ZBTB49: variants seen among roughly 807,000 people sequenced by gnomAD.
ZBTB49 encodes zinc finger and BTB domain containing 49, also known as zinc finger and BTB domain-containing protein 49.
Under a neutral mutation model 57.5 loss-of-function variants are expected in ZBTB49, and 43 were observed. That is an observed-to-expected ratio of 0.75 (90% CI 0.59 to 0.97). The LOEUF (loss-of-function observed/expected upper bound fraction) is 0.97, where lower values mean the gene tolerates loss of function less well. ZBTB49 is among the 50% of genes least tolerant of loss of function. The probability of loss-of-function intolerance (pLI) is 0.00; values close to 1 mark genes in which losing one functional copy is unlikely to be tolerated. For synonymous variants in ZBTB49, 369 were observed against 362.1 expected (o/e 1.02, Z -0.22); for missense variants, 938 against 947.7 (o/e 0.99, Z 0.13).
rs1034215802 is a variant in ZBTB49 at position 4,296,250 on chromosome 4, C to T, written c.-19-3677C>T. Among the ~76,000 whole-genome samples, 8 of 152,124 alleles carry T rather than the reference C, an allele frequency of 5.3e-5. No individual in the cohort carries two copies. The South Asian group carries it at 6.2e-4, about 12-fold the overall frequency. ...TTGAGGACTGAGGAAAAGTCACTGT[C>T]GGGAAAGTCTGTTTCAGTGGAGTGA... On this transcript the variant is annotated intron_variant, in intron 1 of 7. Transcript: ENST00000337872.
intron 1 of ZBTB49, among the ~76,000 whole-genome samples, chr4:4,297,157 C>T (rs996766747): frequency 6.6e-6 from 1 of 152,114 alleles, no homozygotes; most frequent in African/African-American, 2.4e-5. Flanking sequence ...TGCAACCTCC[C>T]CCGCCTGGGT....
chr4:4,315,797 T>C lies in ZBTB49; in HGVS notation c.1460-12T>C, dbSNP rs543970511. 23 of 1,614,136 alleles carry C rather than the reference T, an allele frequency of 1.4e-5. No homozygotes were observed. The South Asian group carries it at 2.4e-4, about 17-fold the overall frequency. On this transcript the variant is annotated splice_polypyrimidine_tract_variant and intron_variant, in intron 6 of 7. Transcript: ENST00000337872. ...CTGTCCTTCAGCTTAACACCTGTTA[T>C]GGTCTCTCTAGGGTTTAGTAACTTC... is the stretch of plus-strand genomic sequence containing the variant.
Position 4,315,660 on chromosome 4 carries a change from G to C in ZBTB49, c.1401G>C (p.Gln467His). The change falls in exon 6 of 8, where the codon CAG becomes CAC. Residue 467 changes from glutamine (Q) to histidine (H), a missense_variant. Transcript: ENST00000337872. ...GKRFAASGDV[Q>H]RHIIIHSGEK... ...GGTTTGCAGCCTCTGGCGACGTCCAGCGTCACATTATTATTCACTCAGGAG... is the reference window on the plus strand; with the variant it reads ...GGTTTGCAGCCTCTGGCGACGTCCACCGTCACATTATTATTCACTCAGGAG... 15 of 1,614,202 alleles carry C rather than the reference G, an allele frequency of 9.3e-6. No homozygotes were observed. The highest frequency in any genetic ancestry group is 1.1e-5 in the Non-Finnish European group (13 of 1,180,026).
chr4:4,320,199 C>T (rs758426189), intron 7 of ZBTB49, among the ~76,000 whole-genome samples: 7 of 152,344 alleles, frequency 4.6e-5, no homozygotes, highest in South Asian at 2.1e-4. Flanking sequence ...CAGGTGCCTA[C>T]GGCACCCATG....
intron 4 of ZBTB49, among the ~76,000 whole-genome samples, chr4:4,312,292 A>G (rs1577244797): frequency 6.6e-6 from 1 of 152,356 alleles, no homozygotes; most frequent in East Asian, 1.9e-4. Context: ...AACATTAGCA[A>G]TTAGCTTTTT....
intron 7 of ZBTB49, among the ~76,000 whole-genome samples, chr4:4,318,982 C>T (rs1332383904): frequency 6.7e-6 from 1 of 150,026 alleles, no homozygotes; most frequent in African/African-American, 2.5e-5. Context: ...CCTCGACCTC[C>T]TGGACACAGG....
intron 4 of ZBTB49, among the ~76,000 whole-genome samples, chr4:4,312,056 C>T (rs997439692): frequency 1.3e-5 from 2 of 152,140 alleles, no homozygotes; most frequent in Non-Finnish European, 2.9e-5. Flanking sequence ...TTAAAAAAAG[C>T]CCCGTGTGTT....
At chr4:4,308,109 G>A (rs765580204) in intron 4 of ZBTB49, among the ~76,000 whole-genome samples, 31 of 152,188 alleles carry the variant, frequency 2.0e-4, no homozygotes, top group African/African-American at 6.7e-4. Flanking sequence ...ATGGAGCATC[G>A]CTCTGTCGCC....
At chr4:4,314,694 C>G (rs559466840) in intron 5 of ZBTB49, among the ~76,000 whole-genome samples, 1 of 152,202 alleles carries the variant, frequency 6.6e-6, no homozygotes, top group African/African-American at 2.4e-5. Flanking sequence ...TGAAACCAGA[C>G]CTATATGCAG....
rs542626944 is a variant in ZBTB49, at chr4:4,315,110, T to A, written c.1377-526T>A. On this transcript the variant is annotated intron_variant, in intron 5 of 7. Transcript: ENST00000337872. ...CCTCTTGGTCCCTGAGACTCTGAGC[T>A]CCTGTTTGCATTTTACTTTATAGTG... 9.1e-4 allele frequency among the ~76,000 whole-genome samples: 138 copies of A among 152,330 alleles called. 2 individuals are homozygous for A. Among genetic ancestry groups the A allele is most frequent in the African/African-American group, 3.1e-3 (128 of 41,568 alleles).
At chr4:4,304,246 G>C (rs1720642565) in intron 3 of ZBTB49, among the ~76,000 whole-genome samples, 1 of 140,290 alleles carries the variant, frequency 7.1e-6, no homozygotes. Flanking sequence ...TTTTTTTTGA[G>C]ACAGAGTTTC....
intron 2 of ZBTB49, among the ~76,000 whole-genome samples, chr4:4,301,373 A>T (rs1014225973): frequency 1.3e-5 from 2 of 152,138 alleles, no homozygotes; most frequent in African/African-American, 2.4e-5. Context: ...TTTTTGAACC[A>T]CTGGCTGGCT....
Position 4,315,849 on chromosome 4 carries a change from A to C in ZBTB49, c.1500A>C (p.Thr500=). 6.2e-7 allele frequency: 1 copy of C among 1,614,262 alleles called. No homozygotes were observed. ...NFSNLKEHKK[T]HTADKVFTCD... ...GTAATTTGAAGGAGCACAAAAAGAC[A>C]CACACGGCTGATAAAGTCTTCACCT... Residue 500 remains threonine, a synonymous_variant, in exon 7 of 8, where the codon ACA becomes ACC. Transcript: ENST00000337872.
intron 5 of ZBTB49, among the ~76,000 whole-genome samples, chr4:4,314,225 G>A (rs1399770866): frequency 2.6e-5 from 4 of 152,328 alleles, no homozygotes; most frequent in East Asian, 1.9e-4. Flanking sequence ...GTCATCTGCC[G>A]CTCCTTCCAG....
chr4:4,321,601 G>T lies in ZBTB49; in HGVS notation c.*285G>T. The stretch of plus-strand genomic sequence containing the variant: ...TCAGCTGTGGGGGGGAAGCGCGTGT[G>T]CATCGTGTCAACTACTGTACATGTT... On this transcript the variant is annotated 3_prime_UTR_variant, in exon 8 of 8. Coordinates refer to ENST00000337872, the MANE Select transcript of ZBTB49 (RefSeq NM_145291.4). 2.0e-6 allele frequency: 1 copy of T among 490,796 alleles called. No individual in the cohort carries two copies. The highest frequency in any genetic ancestry group is 1.9e-5 in the African/African-American group (1 of 51,726). The allele number at this position is 490,796 out of a possible 1,614,324, so 30.4% of individuals were successfully genotyped here. A position where few individuals can be genotyped will look rare whatever the true frequency, so the allele number is the denominator to read the frequency against.
At chr4:4,297,133 C>G (rs1383769532) in intron 1 of ZBTB49, among the ~76,000 whole-genome samples, 1 of 152,164 alleles carries the variant, frequency 6.6e-6, no homozygotes, top group African/African-American at 2.4e-5. Context: ...TGCAATGGCG[C>G]GATCTCAGCT....
chr4:4,301,989 G>A lies in ZBTB49; in HGVS notation c.153G>A (p.Arg51=). ...NVLAAFSQYF[R]SLFQNSSSQK... is the part of the protein sequence containing the mutation. Reference sequence around the variant, plus strand: ...AAACAGATATTCTTTCTTTTACCAGGAGCCTCTTTCAGAATTCTTCAAGCC... The same window carrying A: ...AAACAGATATTCTTTCTTTTACCAGAAGCCTCTTTCAGAATTCTTCAAGCC... The change falls in exon 3 of 8, where the codon AGG becomes AGA. Residue 51 remains arginine (R), a splice_region_variant and synonymous_variant. Transcript: ENST00000337872. The A allele has an allele frequency of 2.0e-6, 3 of 1,515,206 alleles. No individual in the cohort carries two copies. Among genetic ancestry groups the A allele is most frequent in the Non-Finnish European group, 2.7e-6 (3 of 1,132,030 alleles). The allele number at this position is 1,515,206 out of a possible 1,614,324, so 93.9% of individuals were successfully genotyped here. A position where few individuals can be genotyped will look rare whatever the true frequency, so the allele number is the denominator to read the frequency against.
rs760587633 is a variant in ZBTB49, at chr4:4,302,296, C to A, written c.460C>A (p.Pro154Thr). 3 of 1,614,008 alleles carry A rather than the reference C, an allele frequency of 1.9e-6. No individual in the cohort carries two copies. The highest frequency in any genetic ancestry group is 1.7e-6 in the Non-Finnish European group (2 of 1,179,964). Residue 154 changes from proline (P) to threonine (T), a missense_variant, in exon 3 of 8, where the codon CCT becomes ACT. By Grantham distance (38) the Pro-to-Thr change is conservative. This residue lies in a region of ZBTB49 where 835 missense variants were observed against 819.1 expected (regional missense o/e 1.02). Transcript: ENST00000337872. The part of the protein sequence containing the change: ...ATCVISENYP[P>T]HLLQECSADA... Reference sequence around the variant, plus strand: ...TTGTGTTATCAGTGAAAACTACCCCCCTCATTTACTGCAGGAATGTTCAGC... The same window carrying A: ...TTGTGTTATCAGTGAAAACTACCCCACTCATTTACTGCAGGAATGTTCAGC...
At chr4:4,320,359 C>T (rs1167047616) in intron 7 of ZBTB49, among the ~76,000 whole-genome samples, 1 of 152,120 alleles carries the variant, frequency 6.6e-6, no homozygotes, top group Non-Finnish European at 1.5e-5. Context: ...GTGACCCCCT[C>T]TCCTCAGATC....
Sources: allele counts gnomAD v4.1 joint callset (sites outside exome capture counted in the v4.1 genomes callset), GRCh38; gene constraint gnomAD v4.1.1; regional missense constraint gnomAD v4.1.1; transcripts MANE v1.5; gene names NCBI Gene and HGNC (gene_info 2026-07-23, HGNC 2026-07-21).